Variants in EPYC observed in about 807,000 individuals in gnomAD.
EPYC encodes epiphycan.
EPYC carries 28 observed loss-of-function variants against 30.1 expected under a neutral mutation model. That is an observed-to-expected ratio of 0.93 (90% CI 0.69 to 1.28). The LOEUF (loss-of-function observed/expected upper bound fraction) is 1.28, where lower values mean the gene tolerates loss of function less well. Among genes scored for constraint, EPYC ranks in the 50% most tolerant of loss-of-function variants. EPYC has a pLI of 0.00. For missense variants in EPYC, 382 were observed against 383.5 expected (o/e 1.00, Z 0.03); for synonymous variants, 144 against 141.4 (o/e 1.02, Z -0.13).
intron 2 of EPYC, among the ~76,000 whole-genome samples, chr12:91,001,645 A>G (rs1174623339): frequency 1.3e-5 from 2 of 152,150 alleles, no homozygotes; most frequent in African/African-American, 4.8e-5. Context: ...AGGGAAGCAC[A>G]TTCACTGTTG....
At chr12:90,997,042 A>G (rs1877709196) in intron 2 of EPYC, among the ~76,000 whole-genome samples, 1 of 152,026 alleles carries the variant, frequency 6.6e-6, no homozygotes, top group Non-Finnish European at 1.5e-5. Flanking sequence ...CTCAGTTACC[A>G]ATATAGAACC....
chr12:90,996,863 A>G (rs1044482445), intron 2 of EPYC, among the ~76,000 whole-genome samples: 19 of 152,074 alleles, frequency 1.2e-4, no homozygotes, highest in African/African-American at 4.3e-4. Flanking sequence ...CATTCCAGAA[A>G]GGATACGGAC....
At chr12:90,992,457 C>T (rs1184568293) in intron 2 of EPYC, among the ~76,000 whole-genome samples, 2 of 152,178 alleles carry the variant, frequency 1.3e-5, no homozygotes, top group Non-Finnish European at 2.9e-5. Flanking sequence ...GGGCATATAA[C>T]ATCCAGGCTG....
chr12:90,976,489 G>T (rs1259159214), intron 3 of EPYC, among the ~76,000 whole-genome samples: 4 of 151,938 alleles, frequency 2.6e-5, no homozygotes, highest in African/African-American at 9.7e-5. Context: ...CCTTACTCAA[G>T]ACTATAAAAA....
At chr12:90,990,028 C>T (rs1040787582) in intron 2 of EPYC, among the ~76,000 whole-genome samples, 1 of 151,904 alleles carries the variant, frequency 6.6e-6, no homozygotes. Context: ...ACAATTTAGG[C>T]AATTTAATGT....
At position 90,964,000 on chromosome 12, in the gene EPYC, C is replaced by T; in HGVS notation, c.*156G>A. On this transcript the variant is annotated 3_prime_UTR_variant, in exon 7 of 7. Coordinates refer to ENST00000261172, the MANE Select transcript of EPYC (RefSeq NM_004950.5). ...ACTCATCTGGTGTTTTCTTAAATTA[C>T]TACATTTTCATTATAACATTTTTAA... 4.7e-6 allele frequency: 2 copies of T among 429,758 alleles called. No homozygotes were observed. The highest frequency in any genetic ancestry group is 4.9e-5 in the South Asian group (1 of 20,376). 26.6% of individuals were successfully genotyped at this position (429,758 alleles called of 1,614,324 possible).
At chr12:90,973,835 C>G (rs1342323900) in intron 3 of EPYC, among the ~76,000 whole-genome samples, 2 of 151,996 alleles carry the variant, frequency 1.3e-5, no homozygotes, top group Non-Finnish European at 2.9e-5. Context: ...GCAGAGGTAT[C>G]ATACGATGCG....
intron 3 of EPYC, among the ~76,000 whole-genome samples, chr12:90,973,212 T>TCTA: frequency 3.3e-5 from 1 of 29,990 alleles, no homozygotes; most frequent in South Asian, 2.3e-3. Context: ...ATTAGTACTT[T>TCTA]TCTATTAGAA....
intron 1 of EPYC, among the ~76,000 whole-genome samples, chr12:91,004,472 T>C (rs1049872545): frequency 2.6e-5 from 4 of 152,098 alleles, no homozygotes; most frequent in African/African-American, 9.7e-5. Flanking sequence ...TACCATTTAT[T>C]AATATTTTAA....
At chr12:90,998,503 C>A (rs941983230) in intron 2 of EPYC, among the ~76,000 whole-genome samples, 1 of 151,956 alleles carries the variant, frequency 6.6e-6, no homozygotes, top group Non-Finnish European at 1.5e-5. Flanking sequence ...AATTTAATGA[C>A]CCTTTCTCAA....
At position 90,969,472 on chromosome 12, in the gene EPYC, A is replaced by G. The variant is rs531310314; in HGVS notation, c.798+572T>C. 3.3e-5 allele frequency among the ~76,000 whole-genome samples: 5 copies of G among 152,110 alleles called. No individual in the cohort carries two copies. In the South Asian group the frequency reaches 1.0e-3, roughly 32 times the overall value. On this transcript the variant is annotated intron_variant, in intron 6 of 6. Coordinates refer to ENST00000261172, the MANE Select transcript of EPYC (RefSeq NM_004950.5). ...AATCAAACTGAATACTTCAAAGATA[A>G]CATGTAGCTTAATGGGCTTTAAAAT... is the stretch of plus-strand genomic sequence containing the variant.
At chr12:90,980,382 C>T (rs1877297539) in intron 2 of EPYC, among the ~76,000 whole-genome samples, 1 of 152,054 alleles carries the variant, frequency 6.6e-6, no homozygotes, top group South Asian at 2.1e-4. Flanking sequence ...AACATAAATG[C>T]AATACAACTT....
At chr12:90,978,942 T>C (rs1220013958) in intron 2 of EPYC, among the ~76,000 whole-genome samples, 1 of 152,192 alleles carries the variant, frequency 6.6e-6, no homozygotes, top group African/African-American at 2.4e-5. Flanking sequence ...TCTAGGTATG[T>C]TAAAATGGAC....
Position 91,000,624 on chromosome 12 carries a change from G to A in EPYC, c.165+1777C>T, listed in dbSNP as rs911580818. Among the ~76,000 whole-genome samples, 5 of 151,914 alleles carry A rather than the reference G, an allele frequency of 3.3e-5. No homozygotes were observed. In the East Asian group the frequency reaches 9.7e-4, roughly 29 times the overall value. On this transcript the variant is annotated intron_variant, in intron 2 of 6. Transcript: ENST00000261172. ...TATTGTGTATTTGGACTTGTGAAAG[G>A]AATAAATAGCACCCTTGAAACCATT...
chr12:91,004,039 A>C (rs957163181), intron 1 of EPYC, among the ~76,000 whole-genome samples: 6 of 152,108 alleles, frequency 3.9e-5, no homozygotes, highest in African/African-American at 1.4e-4. Context: ...AGGATTGCAG[A>C]TTTGGAACTG....
At chr12:90,985,794 G>C (rs527791368) in intron 2 of EPYC, among the ~76,000 whole-genome samples, 1 of 152,234 alleles carries the variant, frequency 6.6e-6, no homozygotes, top group African/African-American at 2.4e-5. Flanking sequence ...TGACAGGACT[G>C]AGGGTGTCTG....
chr12:90,978,488 C>A (rs754617406), intron 2 of EPYC, among the ~76,000 whole-genome samples: 5 of 142,180 alleles, frequency 3.5e-5, no homozygotes, highest in Non-Finnish European at 7.7e-5. Context: ...TTTCCAATGC[C>A]TTTTTTTTTT....
chr12:90,996,349 T>C (rs1190875032), intron 2 of EPYC, among the ~76,000 whole-genome samples: 1 of 151,956 alleles, frequency 6.6e-6, no homozygotes, highest in Non-Finnish European at 1.5e-5. Flanking sequence ...AGCATCAACA[T>C]ATATTCTAAA....
chr12:90,971,020 A>T (rs896781185), intron 5 of EPYC, among the ~76,000 whole-genome samples: 6 of 152,188 alleles, frequency 3.9e-5, no homozygotes, highest in Admixed American at 2.6e-4. Context: ...TCACATAGAA[A>T]ACAAAATCTC....
Sources: gnomAD v4.1 joint callset for allele counts (sites outside exome capture counted in the v4.1 genomes callset) on GRCh38, gnomAD v4.1.1 for gene constraint, MANE v1.5 for transcripts, NCBI Gene and HGNC (gene_info 2026-07-23, HGNC 2026-07-21) for gene names.